VPS53: variants seen among roughly 807,000 people sequenced by gnomAD.
VPS53 encodes VPS53 subunit of GARP complex.
VPS53 carries 70 observed loss-of-function variants against 107.0 expected under a neutral mutation model. That is an observed-to-expected ratio of 0.65 (90% CI 0.54 to 0.80). The LOEUF is 0.80. VPS53 is among the 30% of genes least tolerant of loss of function. VPS53 has a pLI of 0.00. For synonymous variants in VPS53, 409 were observed against 393.3 expected, an observed-to-expected ratio of 1.04 and a Z score of -0.47; for missense variants, 917 against 1,049.4, an observed-to-expected ratio of 0.87 and a Z score of 1.74.
At chr17:688,027 T>G (rs910421452) in intron 4 of VPS53, among the ~76,000 whole-genome samples, 1 of 152,200 alleles carries the variant, frequency 6.6e-6, no homozygotes, top group East Asian at 1.9e-4. Context: ...GGAGAGAAGA[T>G]AGCTATTTGG....
chr17:689,731 C>T (rs1972714592), intron 4 of VPS53, among the ~76,000 whole-genome samples: 1 of 152,150 alleles, frequency 6.6e-6, no homozygotes, highest in African/African-American at 2.4e-5. Context: ...ACCTCCGCCT[C>T]CCAAAGTGTT....
chr17:571,439 T>C (rs1914047075), intron 13 of VPS53, among the ~76,000 whole-genome samples: 1 of 152,024 alleles, frequency 6.6e-6, no homozygotes, highest in Non-Finnish European at 1.5e-5. Flanking sequence ...TCTGTAAGCT[T>C]GAAATTAATT....
chr17:537,315 T>C (rs1910167302), intron 17 of VPS53, 139 bp from the exon 18 acceptor site: 10 of 989,988 alleles, frequency 1.0e-5, no homozygotes, highest in Non-Finnish European at 1.5e-5. Context: ...TCCTGGGGAG[T>C]TTCTTATTCG....
intron 18 of VPS53, among the ~76,000 whole-genome samples, chr17:533,669 C>T (rs1219127958): frequency 6.6e-6 from 1 of 152,136 alleles, no homozygotes; most frequent in African/African-American, 2.4e-5. Flanking sequence ...CTGCAGGCCT[C>T]CACCCTCACA....
chr17:623,438 G>T (rs1425788278), intron 11 of VPS53, 95 bp downstream of exon 11: 2 of 1,444,196 alleles, frequency 1.4e-6, no homozygotes, highest in South Asian at 2.8e-5. Context: ...GTTAAGCACC[G>T]AAGCCAATGG....
At chr17:570,931 G>A (rs1913981747) in intron 13 of VPS53, among the ~76,000 whole-genome samples, 1 of 152,130 alleles carries the variant, frequency 6.6e-6, no homozygotes, top group African/African-American at 2.4e-5. Flanking sequence ...GTTGTACTGT[G>A]GTTATGTAGA....
intron 5 of VPS53, chr17:656,811 T>G: frequency 6.4e-7 from 1 of 1,560,772 alleles, no homozygotes; most frequent in Non-Finnish European, 8.8e-7. Context: ...CTGCTCTGTT[T>G]GGCCGCCAGT....
chr17:511,201 G>A lies in VPS53; in HGVS notation c.*7927C>T, dbSNP rs1019665604. The A allele has an allele frequency of 2.6e-5, 4 of 152,198 alleles. No homozygotes were observed. Among genetic ancestry groups the A allele is most frequent in the Non-Finnish European group, 5.9e-5 (4 of 68,034 alleles). The allele number at this position is 152,198 out of a possible 1,614,324, so 9.4% of individuals were successfully genotyped here. On this transcript the variant is annotated 3_prime_UTR_variant, in exon 22 of 22. Coordinates refer to ENST00000437048, the MANE Select transcript of VPS53 (RefSeq NM_001128159.3). ...AGAACCCTGTGGAATGTGGTCTCTGGCAGCTGAGAAGTGCCTTCCTTTTCC... is the reference window on the plus strand; with the variant it reads ...AGAACCCTGTGGAATGTGGTCTCTGACAGCTGAGAAGTGCCTTCCTTTTCC...
At chr17:615,224 AAC>A (rs1424066940) in intron 11 of VPS53, among the ~76,000 whole-genome samples, 1 of 152,232 alleles carries the variant, frequency 6.6e-6, no homozygotes, top group Non-Finnish European at 1.5e-5. Context: ...CTCCTCAAGT[AAC>A]AGTTACAGCA....
chr17:590,470 A>G (rs1202595807), intron 12 of VPS53, among the ~76,000 whole-genome samples: 1 of 151,564 alleles, frequency 6.6e-6, no homozygotes, highest in Non-Finnish European at 1.5e-5. Flanking sequence ...TTCAAAGGGA[A>G]TGCTTCCAGT....
At chr17:624,060 G>A (rs532598329) in intron 10 of VPS53, among the ~76,000 whole-genome samples, 13 of 149,806 alleles carry the variant, frequency 8.7e-5, no homozygotes, top group Non-Finnish European at 1.8e-4. Context: ...GTTTCACCAT[G>A]TTGGCCAGGC....
intron 18 of VPS53, chr17:536,274 T>C (rs1376540600): frequency 6.6e-6 from 1 of 151,402 alleles, no homozygotes; most frequent in African/African-American, 2.4e-5. Context: ...GGACCAAGAG[T>C]GTGTCCAAGT....
chr17:613,545 A>C (rs1968995169), intron 11 of VPS53, among the ~76,000 whole-genome samples: 1 of 150,724 alleles, frequency 6.6e-6, no homozygotes, highest in Non-Finnish European at 1.5e-5. Flanking sequence ...ACACAGTGAA[A>C]ACCTGTACAG....
intron 4 of VPS53, among the ~76,000 whole-genome samples, chr17:682,313 G>A (rs1279495004): frequency 1.3e-5 from 2 of 152,188 alleles, no homozygotes; most frequent in Non-Finnish European, 2.9e-5. Flanking sequence ...CGAGGATGCA[G>A]AAAGCAGAAA....
intron 13 of VPS53, among the ~76,000 whole-genome samples, chr17:567,559 G>A (rs1208195203): frequency 6.6e-6 from 1 of 151,092 alleles, no homozygotes; most frequent in Non-Finnish European, 1.5e-5. Flanking sequence ...AAAGTGCAGT[G>A]GCATGATCAT....
chr17:572,687 A>C (rs1267390392), intron 13 of VPS53, among the ~76,000 whole-genome samples: 1 of 150,688 alleles, frequency 6.6e-6, no homozygotes, highest in Non-Finnish European at 1.5e-5. Flanking sequence ...TGTACCAAGA[A>C]AAATTCTTCT....
Position 646,890 on chromosome 17 carries a change from G to A in VPS53, c.608+6401C>T, listed in dbSNP as rs553694982. ...GAGATCGGCTCCCACACACATCTCC[G>A]TGACCGCGTGGCCACTGCCTCCTAA... On this transcript the variant is annotated intron_variant, in intron 7 of 21. Coordinates refer to ENST00000437048, the MANE Select transcript of VPS53 (RefSeq NM_001128159.3). 9.3e-3 allele frequency among the ~76,000 whole-genome samples: 1,412 copies of A among 151,330 alleles called. 7 individuals carry two copies. Among genetic ancestry groups the A allele is most frequent in the African/African-American group, 0.032 (1,299 of 41,168 alleles).
At chr17:578,670 T>C (rs1310859883) in intron 13 of VPS53, among the ~76,000 whole-genome samples, 2 of 147,268 alleles carry the variant, frequency 1.4e-5, no homozygotes, top group Non-Finnish European at 3.0e-5. Flanking sequence ...CCAGACAACT[T>C]CCCTGAGAAC....
At chr17:658,882 G>T (rs552455260) in intron 5 of VPS53, among the ~76,000 whole-genome samples, 1 of 152,266 alleles carries the variant, frequency 6.6e-6, no homozygotes, top group Non-Finnish European at 1.5e-5. Context: ...CACCCTAGGT[G>T]AACTCATACA....
Sources: allele counts gnomAD v4.1 joint callset (sites outside exome capture counted in the v4.1 genomes callset), GRCh38; gene constraint gnomAD v4.1.1; transcripts MANE v1.5; gene names NCBI Gene and HGNC (gene_info 2026-07-23, HGNC 2026-07-21).